Variants in LONRF1 observed in about 807,000 individuals in gnomAD.
The protein encoded by LONRF1 is LON peptidase N-terminal domain and ring finger 1, also known as LON peptidase N-terminal domain and RING finger protein 1.
In LONRF1, 37 loss-of-function variants were observed where a neutral mutation model predicts 85.8. The observed-to-expected ratio is 0.43, with a 90% CI of 0.33 to 0.57. The LOEUF (loss-of-function observed/expected upper bound fraction) is 0.57. Among genes scored for constraint, LONRF1 ranks in the 20% least tolerant of loss-of-function variants. The pLI is 0.04. For missense variants in LONRF1, 1,036 were observed against 978.0 expected (o/e 1.06, Z -0.79); for synonymous variants, 517 against 390.1 (o/e 1.33, Z -3.83).
chr8:12,722,784 GCACACA>G lies in LONRF1; in HGVS notation c.*306_*311del, dbSNP rs3839870. 12 of 174,694 alleles carry G rather than the reference GCACACA, an allele frequency of 6.9e-5. No individual in the cohort carries two copies. The highest frequency in any genetic ancestry group is 6.1e-4 in the Admixed American group (10 of 16,494). The allele number at this position is 174,694 out of a possible 1,614,324, so 10.8% of individuals were successfully genotyped here. A position where few individuals can be genotyped will look rare whatever the true frequency, so the allele number is the denominator to read the frequency against. ...CCAACCCCCACAAGCACACACGCACGCACACACACACACACACTCTCTCACAGACAT... is the reference window on the plus strand; with the variant it reads ...CCAACCCCCACAAGCACACACGCACGCACACACACACTCTCTCACAGACAT... On this transcript the variant is annotated 3_prime_UTR_variant, in exon 12 of 12. Transcript: ENST00000398246.
At chr8:12,739,075 T>G (rs1240555731) in intron 3 of LONRF1, among the ~76,000 whole-genome samples, 1 of 151,934 alleles carries the variant, frequency 6.6e-6, no homozygotes, top group Non-Finnish European at 1.5e-5. Flanking sequence ...TCCTCTGTTT[T>G]AAAAAATAAA....
rs374041976 is a variant in LONRF1, at chr8:12,729,298, T to C, written c.1723A>G (p.Met575Val). Residue 575 changes from methionine (M) to valine (V), a missense_variant, in exon 9 of 12, where the codon ATG becomes GTG. Met to Val is a conservative substitution (Grantham distance 21). This residue lies in a region of LONRF1 where 265 missense variants were observed against 301.5 expected (regional missense o/e 0.88). Transcript: ENST00000398246. Reference protein sequence around the residue: ...TKNVPIFVCTMAYPTVPCPLH... With the variant: ...TKNVPIFVCTVAYPTVPCPLH... ...GGGCAAGGCACAGTGGGGTAGGCCA[T>C]AGTGCAAACAAATATTGGAACATTC... The C allele has an allele frequency of 5.0e-6, 8 of 1,613,760 alleles. No homozygotes were observed. The highest frequency in any genetic ancestry group is 1.3e-5 in the African/African-American group (1 of 74,928).
At chr8:12,747,750 CTCTCTCTTT>C (rs1563156776) in intron 1 of LONRF1, among the ~76,000 whole-genome samples, 1 of 47,752 alleles carries the variant, frequency 2.1e-5, no homozygotes, top group Non-Finnish European at 5.3e-5. Flanking sequence ...TGACTGAAAT[CTCTCTCTTT>C]TTTTTTTTTT....
In LONRF1 at chr8:12,736,730, G is replaced by C; in HGVS notation, c.1422C>G (p.Val474=). The C allele has an allele frequency of 6.2e-7, 1 of 1,611,094 alleles. No individual in the cohort carries two copies. Among genetic ancestry groups the C allele is most frequent in the Non-Finnish European group, 8.5e-7 (1 of 1,178,580 alleles). The change falls in exon 6 of 12, where the codon GTC becomes GTG. Residue 474 remains valine (V), a synonymous_variant. Transcript: ENST00000398246. ...YGDIPEELID[V]SDFECSLCMR... ...TGCAGAGAGAACACTCGAAATCTGA[G>C]ACATCGATTAATTCTTCTGGAATAT...
chr8:12,728,495 A>G (rs1307765838), intron 10 of LONRF1, among the ~76,000 whole-genome samples: 3 of 152,250 alleles, frequency 2.0e-5, no homozygotes, highest in Non-Finnish European at 4.4e-5. Context: ...TACTAATTCC[A>G]TCGGCTTCAA....
intron 8 of LONRF1, among the ~76,000 whole-genome samples, chr8:12,730,335 T>C (rs890503129): frequency 2.6e-5 from 4 of 152,252 alleles, no homozygotes; most frequent in Admixed American, 6.5e-5. Context: ...TTTGGAAATA[T>C]GTATGCCAAA....
At chr8:12,745,144 G>T (rs1408625735) in intron 1 of LONRF1, among the ~76,000 whole-genome samples, 2 of 152,150 alleles carry the variant, frequency 1.3e-5, no homozygotes, top group East Asian at 1.9e-4. Flanking sequence ...TCGGGATATT[G>T]AGATCTCCCT....
intron 7 of LONRF1, among the ~76,000 whole-genome samples, chr8:12,732,708 C>A (rs1279252714): frequency 6.6e-6 from 1 of 151,960 alleles, no homozygotes; most frequent in Non-Finnish European, 1.5e-5. Flanking sequence ...CTGTTTTTAC[C>A]ACATAGTAGG....
At chr8:12,753,917 A>T (rs1799516067) in intron 1 of LONRF1, 1 of 152,270 alleles carries the variant, frequency 6.6e-6, no homozygotes, top group African/African-American at 2.4e-5. Flanking sequence ...CTTTACCATA[A>T]GCTAGGTGCA....
chr8:12,730,055 A>G (rs1240302240), intron 8 of LONRF1, among the ~76,000 whole-genome samples: 1 of 152,174 alleles, frequency 6.6e-6, no homozygotes, highest in Non-Finnish European at 1.5e-5. Flanking sequence ...CAACCAGCTT[A>G]TTTTCAGACA....
chr8:12,740,943 G>T lies in LONRF1; in HGVS notation c.894C>A (p.Ala298=). ...CTAAGCACTGAAGAAAGAGTTGTAA[G>T]GCATCACCTAAAAAACCAGCATCGC... ...VLCDAGFLGD[A]LQLFLQCLAL... is the part of the protein sequence containing the mutation. Residue 298 remains alanine, a synonymous_variant, in exon 3 of 12, where the codon GCC becomes GCA. Coordinates refer to ENST00000398246, the MANE Select transcript of LONRF1 (RefSeq NM_152271.5). The T allele has an allele frequency of 1.2e-6, 2 of 1,613,508 alleles. No homozygotes were observed. Among genetic ancestry groups the T allele is most frequent in the Non-Finnish European group, 8.5e-7 (1 of 1,179,616 alleles).
At position 12,725,742 on chromosome 8, in the gene LONRF1, C is replaced by A. The variant is rs766993618; in HGVS notation, c.2148G>T (p.Arg716Ser). The change falls in exon 11 of 12, where the codon AGG becomes AGT. Residue 716 changes from arginine to serine, a missense_variant. This residue lies in a region of LONRF1 where 265 missense variants were observed against 301.5 expected (regional missense o/e 0.88). Coordinates refer to ENST00000398246, the MANE Select transcript of LONRF1 (RefSeq NM_152271.5). ...ILQHFGSMPE[R>S]EENLQAAPNG... ...GCCACCATACCTGAAGGTTTTCCTC[C>A]CTCTCGGGCATTGATCCGAAATGCT... 6.2e-7 allele frequency: 1 copy of A among 1,611,752 alleles called. No homozygotes were observed. Among genetic ancestry groups the A allele is most frequent in the Non-Finnish European group, 8.5e-7 (1 of 1,178,176 alleles).
chr8:12,733,613 G>T (rs1006855459), intron 7 of LONRF1, among the ~76,000 whole-genome samples: 1 of 151,902 alleles, frequency 6.6e-6, no homozygotes, highest in Admixed American at 6.6e-5. Flanking sequence ...TAATATCTTC[G>T]ATTACATAAA....
chr8:12,739,700 T>C (rs1327696073), intron 3 of LONRF1, among the ~76,000 whole-genome samples: 1 of 152,200 alleles, frequency 6.6e-6, no homozygotes, highest in African/African-American at 2.4e-5. Context: ...ATCTACCTGA[T>C]CCTATTAACC....
intron 1 of LONRF1, among the ~76,000 whole-genome samples, chr8:12,745,254 C>G (rs1469645110): frequency 6.7e-6 from 1 of 149,434 alleles, no homozygotes; most frequent in Non-Finnish European, 1.5e-5. Flanking sequence ...TCTTTGTTCC[C>G]TAACTCCTTG....
chr8:12,733,590 A>G (rs544436047), intron 7 of LONRF1, among the ~76,000 whole-genome samples: 1 of 151,436 alleles, frequency 6.6e-6, no homozygotes, highest in Admixed American at 6.6e-5. Context: ...TGACAGATAT[A>G]TAATATCTGT....
chr8:12,754,499 G>T (rs1799548466), intron 1 of LONRF1, among the ~76,000 whole-genome samples: 1 of 151,910 alleles, frequency 6.6e-6, no homozygotes, highest in Non-Finnish European at 1.5e-5. Flanking sequence ...GGCTCCCAGG[G>T]CGATCCCCAT....
At chr8:12,736,472 G>A (rs1798719286) in intron 6 of LONRF1, among the ~76,000 whole-genome samples, 1 of 152,162 alleles carries the variant, frequency 6.6e-6, no homozygotes, top group African/African-American at 2.4e-5. Flanking sequence ...ACAATGAGAT[G>A]TAGGCCATGC....
chr8:12,746,812 G>A (rs1004602288), intron 1 of LONRF1, among the ~76,000 whole-genome samples: 5 of 152,104 alleles, frequency 3.3e-5, no homozygotes, highest in African/African-American at 1.2e-4. Flanking sequence ...CAGGAAGCCA[G>A]CTCCAGAGTT....
Sources: allele counts gnomAD v4.1 joint callset (sites outside exome capture counted in the v4.1 genomes callset), GRCh38; gene constraint gnomAD v4.1.1; regional missense constraint gnomAD v4.1.1; transcripts MANE v1.5; gene names NCBI Gene and HGNC (gene_info 2026-07-23, HGNC 2026-07-21).